The following NKAIN3 variants were observed in gnomAD, a reference collection of about 807,000 sequenced individuals.
NKAIN3 encodes sodium/potassium transporting ATPase interacting 3, also known as sodium/potassium-transporting ATPase subunit beta-1-interacting protein 3.
Under a neutral mutation model 30.2 loss-of-function variants are expected in NKAIN3, and 25 were observed. The ratio of observed to expected loss-of-function variants is 0.83; its 90% CI spans 0.60 to 1.16. NKAIN3 has a LOEUF of 1.16. Ranked by LOEUF, NKAIN3 falls within the 50% of genes most tolerant of loss-of-function variation. The pLI is 0.00. For synonymous variants in NKAIN3, 91 were observed against 89.6 expected (o/e 1.02, Z -0.09); for missense variants, 225 against 254.1 (o/e 0.89, Z 0.78).
At chr8:62,942,203 CAT>C (rs1166773217) in intron 5 of NKAIN3, among the ~76,000 whole-genome samples, 21 of 35,002 alleles carry the variant, frequency 6.0e-4, no homozygotes, top group Admixed American at 1.2e-3. Flanking sequence ...TATATACACA[CAT>C]ATATATACAC....
rs146712025 is a variant in NKAIN3 at position 62,267,043 on chromosome 8, C to T, written c.54+17916C>T. 1.3e-3 allele frequency among the ~76,000 whole-genome samples: 203 copies of T among 152,320 alleles called. 3 individuals carry two copies. In the East Asian group the frequency reaches 0.026, roughly 20 times the overall value. The stretch of plus-strand genomic sequence containing the variant: ...AATTATTCCCTGGGTGAACCCAAAA[C>T]CTGCCAGGCTAAGCCCCAGTTATGG... On this transcript the variant is annotated intron_variant, in intron 1 of 6. Transcript: ENST00000623646.
chr8:62,997,027 C>T (rs1228042256), intron 5 of NKAIN3, among the ~76,000 whole-genome samples: 1 of 152,202 alleles, frequency 6.6e-6, no homozygotes, highest in Non-Finnish European at 1.5e-5. Context: ...CACAGTTCCA[C>T]TAGGTAGTGC....
chr8:62,288,352 A>C (rs1167343681), intron 1 of NKAIN3, among the ~76,000 whole-genome samples: 1 of 152,000 alleles, frequency 6.6e-6, no homozygotes, highest in African/African-American at 2.4e-5. Context: ...TTAACTCATT[A>C]TTTACATTAG....
At chr8:62,937,089 C>T (rs1007108185) in intron 5 of NKAIN3, among the ~76,000 whole-genome samples, 7 of 151,466 alleles carry the variant, frequency 4.6e-5, no homozygotes, top group African/African-American at 1.7e-4. Flanking sequence ...TCTTTATTTC[C>T]TCCATATGTG....
chr8:62,792,332 TCA>T (rs1475756803), intron 4 of NKAIN3, among the ~76,000 whole-genome samples: 1 of 151,946 alleles, frequency 6.6e-6, no homozygotes, highest in Non-Finnish European at 1.5e-5. Context: ...AATTTCTCTA[TCA>T]GAGAGTCCAT....
rs1813417505 is a variant in NKAIN3, at chr8:62,287,515, G to T, written c.54+38388G>T. 2.0e-5 allele frequency among the ~76,000 whole-genome samples: 3 copies of T among 152,010 alleles called. No homozygotes were observed. In the South Asian group the frequency reaches 6.2e-4, roughly 32 times the overall value. On this transcript the variant is annotated intron_variant, in intron 1 of 6. Coordinates refer to ENST00000623646, the MANE Select transcript of NKAIN3 (RefSeq NM_001304533.3). ...TTATTTATATAGTCATAGTATATAG[G>T]TTTCTATTTCTCAGCTTTTTGGGGG... is the stretch of plus-strand genomic sequence containing the variant.
At chr8:62,459,783 C>T (rs1805933830) in intron 1 of NKAIN3, among the ~76,000 whole-genome samples, 1 of 151,986 alleles carries the variant, frequency 6.6e-6, no homozygotes, top group South Asian at 2.1e-4. Flanking sequence ...GCAAGCAGGC[C>T]AGGATACTGA....
chr8:62,424,178 A>G (rs1804729984), intron 1 of NKAIN3, among the ~76,000 whole-genome samples: 1 of 152,044 alleles, frequency 6.6e-6, no homozygotes, highest in African/African-American at 2.4e-5. Flanking sequence ...TTTGAATGAA[A>G]GACTTGAAGA....
chr8:62,635,930 A>G (rs779614646), intron 3 of NKAIN3, among the ~76,000 whole-genome samples: 1 of 152,166 alleles, frequency 6.6e-6, no homozygotes, highest in Admixed American at 6.5e-5. Flanking sequence ...AATTTGGAAA[A>G]ATCCAAGACA....
intron 3 of NKAIN3, among the ~76,000 whole-genome samples, chr8:62,673,436 A>G (rs1156450923): frequency 6.6e-6 from 1 of 152,248 alleles, no homozygotes; most frequent in Non-Finnish European, 1.5e-5. Context: ...AATCTTTATG[A>G]CTTGCCACAC....
intron 1 of NKAIN3, among the ~76,000 whole-genome samples, chr8:62,563,002 TG>T (rs1376050181): frequency 3.3e-5 from 5 of 152,198 alleles, no homozygotes; most frequent in African/African-American, 9.6e-5. Context: ...TCATGGTAGC[TG>T]TGTTCCTGCC....
rs746587609 is a variant in NKAIN3 at position 62,277,717 on chromosome 8, C to A, written c.54+28590C>A. Among the ~76,000 whole-genome samples, 51 of 152,110 alleles carry A rather than the reference C, an allele frequency of 3.4e-4. 1 individual carries two copies. Among genetic ancestry groups the A allele is most frequent in the Non-Finnish European group, 1.2e-4 (8 of 68,024 alleles). On this transcript the variant is annotated intron_variant, in intron 1 of 6. Coordinates refer to ENST00000623646, the MANE Select transcript of NKAIN3 (RefSeq NM_001304533.3). ...AAGTTCAGATGGATTTTGGATATGG[C>A]CTTGAATAAAGTTCACTTTACTTAC...
intron 3 of NKAIN3, among the ~76,000 whole-genome samples, chr8:62,687,733 C>T (rs180799119): frequency 9.8e-5 from 15 of 152,292 alleles, no homozygotes; most frequent in Admixed American, 6.5e-4. Flanking sequence ...TCAACATTAT[C>T]GTTTTCAAAT....
intron 5 of NKAIN3, among the ~76,000 whole-genome samples, chr8:62,937,616 T>C (rs1822827023): frequency 6.6e-6 from 1 of 151,994 alleles, no homozygotes; most frequent in Admixed American, 6.6e-5. Flanking sequence ...GGGGAAAAAC[T>C]ACGAGGAGAA....
intron 1 of NKAIN3, among the ~76,000 whole-genome samples, chr8:62,422,047 T>C (rs1804657133): frequency 6.6e-6 from 1 of 152,130 alleles, no homozygotes; most frequent in Non-Finnish European, 1.5e-5. Flanking sequence ...GCTAGTTGCC[T>C]ACTCAAGAGT....
rs1742775531 is a variant in NKAIN3, at chr8:62,968,668, G to GTTT, written c.*3262_*3263insTTT. Among the ~76,000 whole-genome samples the GTTT allele has an allele frequency of 6.6e-6, 1 of 152,180 alleles. No homozygotes were observed. The highest frequency in any genetic ancestry group is 2.1e-4 in the South Asian group (1 of 4,834). On this transcript the variant is annotated 3_prime_UTR_variant, in exon 7 of 7. Coordinates refer to ENST00000623646, the MANE Select transcript of NKAIN3 (RefSeq NM_001304533.3). Reference sequence around the variant, plus strand: ...CTGGAATGGTGAACATTTAAAGCCAGTGTTTTTCCTCTTGGAGCCACCTTA... The same window carrying GTTT: ...CTGGAATGGTGAACATTTAAAGCCAGTTTTGTTTTTCCTCTTGGAGCCACCTTA...
chr8:62,872,520 C>T (rs1392546608), intron 4 of NKAIN3, among the ~76,000 whole-genome samples: 1 of 152,258 alleles, frequency 6.6e-6, no homozygotes, highest in East Asian at 1.9e-4. Context: ...CAACTGGACT[C>T]TCACTGTTCA....
chr8:62,281,529 C>T (rs1471245726), intron 1 of NKAIN3, among the ~76,000 whole-genome samples: 3 of 152,122 alleles, frequency 2.0e-5, no homozygotes, highest in Non-Finnish European at 2.9e-5. Flanking sequence ...ATAAATTTCC[C>T]TCTACACACT....
chr8:62,951,054 A>T (rs1383453261), intron 5 of NKAIN3, among the ~76,000 whole-genome samples: 1 of 151,314 alleles, frequency 6.6e-6, no homozygotes, highest in Non-Finnish European at 1.5e-5. Flanking sequence ...AAGACACAAT[A>T]TAACTAGCAC....
Sources: gnomAD v4.1 joint callset for allele counts (sites outside exome capture counted in the v4.1 genomes callset) on GRCh38, gnomAD v4.1.1 for gene constraint, MANE v1.5 for transcripts, NCBI Gene and HGNC (gene_info 2026-07-23, HGNC 2026-07-21) for gene names.